The following ZNF385D variants were observed in gnomAD, a reference collection of about 807,000 sequenced individuals.
ZNF385D encodes zinc finger protein 385D.
ZNF385D carries 15 observed loss-of-function variants against 35.8 expected under a neutral mutation model. The observed-to-expected ratio is 0.42, with a 90% confidence interval of 0.28 to 0.64. ZNF385D has a LOEUF of 0.64. Ranked by LOEUF, ZNF385D falls within the 30% of genes least tolerant of loss-of-function variation. ZNF385D has a pLI of 0.23. For synonymous variants in ZNF385D, 212 were observed against 186.8 expected (o/e 1.13, Z -1.10); for missense variants, 474 against 494.6 (o/e 0.96, Z 0.39).
intron 3 of ZNF385D, among the ~76,000 whole-genome samples, chr3:22,155,735 G>A (rs954703617): frequency 6.6e-6 from 1 of 152,018 alleles, no homozygotes; most frequent in African/African-American, 2.4e-5. Context: ...TTTGGTAGAA[G>A]AATTATGTAT....
intron 5 of ZNF385D, among the ~76,000 whole-genome samples, chr3:21,432,702 G>A (rs1701351694): frequency 6.6e-6 from 1 of 151,522 alleles, no homozygotes; most frequent in African/African-American, 2.4e-5. Context: ...CTCTTTAAAA[G>A]ACTATGTCCT....
At chr3:22,095,066 C>T (rs931603738) in intron 3 of ZNF385D, among the ~76,000 whole-genome samples, 1 of 151,232 alleles carries the variant, frequency 6.6e-6, no homozygotes, top group Non-Finnish European at 1.5e-5. Flanking sequence ...CATCACCATG[C>T]CCAGTTATTT....
At chr3:21,867,406 T>C (rs948790269) in intron 3 of ZNF385D, among the ~76,000 whole-genome samples, 37 of 152,130 alleles carry the variant, frequency 2.4e-4, no homozygotes, top group Admixed American at 6.6e-5. Flanking sequence ...GGTGATTCCA[T>C]TGTGCAGCCA....
intron 2 of ZNF385D, among the ~76,000 whole-genome samples, chr3:22,276,602 G>C (rs1418967016): frequency 1.3e-5 from 2 of 152,120 alleles, no homozygotes; most frequent in African/African-American, 4.8e-5. Flanking sequence ...GATTAAATGG[G>C]AAATGCATTT....
At chr3:22,212,592 G>A (rs910208294) in intron 2 of ZNF385D, among the ~76,000 whole-genome samples, 1 of 151,772 alleles carries the variant, frequency 6.6e-6, no homozygotes, top group Non-Finnish European at 1.5e-5. Context: ...AGCTTAATGT[G>A]TTTCTCCTTT....
chr3:22,133,659 G>A (rs907381322), intron 3 of ZNF385D: 1 of 151,860 alleles, frequency 6.6e-6, no homozygotes, highest in Non-Finnish European at 1.5e-5. Context: ...ACATAGAACT[G>A]AAAACCATAG....
chr3:22,135,161 A>C (rs139081387), intron 3 of ZNF385D, among the ~76,000 whole-genome samples: 32 of 152,216 alleles, frequency 2.1e-4, no homozygotes, highest in African/African-American at 5.8e-4. Context: ...CAAGAAAAGA[A>C]AAGACTTACA....
At chr3:22,029,549 A>C (rs1461081543) in intron 3 of ZNF385D, among the ~76,000 whole-genome samples, 1 of 152,248 alleles carries the variant, frequency 6.6e-6, no homozygotes, top group Admixed American at 6.5e-5. Context: ...ATGACCAGCT[A>C]TGGAAACGAG....
chr3:21,885,284 T>C (rs978220526), intron 3 of ZNF385D, among the ~76,000 whole-genome samples: 3 of 152,078 alleles, frequency 2.0e-5, no homozygotes, highest in Non-Finnish European at 2.9e-5. Flanking sequence ...CTTCCTTTAC[T>C]TGCTAACATA....
At chr3:21,889,616 TC>T in intron 3 of ZNF385D, among the ~76,000 whole-genome samples, 1 of 152,044 alleles carries the variant, frequency 6.6e-6, no homozygotes, top group East Asian at 1.9e-4. Flanking sequence ...GGAGAGAAAT[TC>T]CTCAGGGAGA....
chr3:21,849,174 G>A (rs1333992168), intron 3 of ZNF385D, among the ~76,000 whole-genome samples: 2 of 151,866 alleles, frequency 1.3e-5, no homozygotes, highest in Non-Finnish European at 2.9e-5. Context: ...TTTTACTATT[G>A]CTACATATTA....
At chr3:21,715,292 T>C (rs1248792068) in intron 1 of ZNF385D, among the ~76,000 whole-genome samples, 2 of 152,112 alleles carry the variant, frequency 1.3e-5, no homozygotes, top group Non-Finnish European at 2.9e-5. Context: ...CCACTCTCTA[T>C]ACCAATGGTG....
intron 3 of ZNF385D, among the ~76,000 whole-genome samples, chr3:21,838,155 C>T (rs140463312): frequency 7.4e-4 from 113 of 152,090 alleles, no homozygotes; most frequent in African/African-American, 2.4e-3. Flanking sequence ...TTTGGAAGAA[C>T]AGGTATTGTT....
chr3:21,953,002 C>T (rs1283489655), intron 3 of ZNF385D, among the ~76,000 whole-genome samples: 1 of 151,976 alleles, frequency 6.6e-6, no homozygotes, highest in Non-Finnish European at 1.5e-5. Context: ...ACACATTCAG[C>T]AATCACAAAA....
At chr3:21,686,838 C>T (rs1486570045) in intron 1 of ZNF385D, among the ~76,000 whole-genome samples, 1 of 152,210 alleles carries the variant, frequency 6.6e-6, no homozygotes, top group East Asian at 1.9e-4. Context: ...CACATTTTAT[C>T]CACAACTGTG....
chr3:22,360,381 T>C (rs954928625), intron 2 of ZNF385D, among the ~76,000 whole-genome samples: 5 of 151,872 alleles, frequency 3.3e-5, no homozygotes, highest in African/African-American at 1.2e-4. Flanking sequence ...CTCCCATCCA[T>C]ACACAGACGC....
intron 3 of ZNF385D, among the ~76,000 whole-genome samples, chr3:21,817,224 A>G (rs1043393330): frequency 1.5e-4 from 23 of 152,370 alleles, no homozygotes; most frequent in African/African-American, 5.3e-4. Flanking sequence ...GTAAAACCAT[A>G]AAAACTCTAG....
At chr3:22,138,877 G>A (rs936996215) in intron 3 of ZNF385D, among the ~76,000 whole-genome samples, 1 of 151,986 alleles carries the variant, frequency 6.6e-6, no homozygotes, top group Non-Finnish European at 1.5e-5. Context: ...AGAGTGAACA[G>A]GCAACCTACA....
chr3:22,126,649 T>C (rs1488582044), intron 3 of ZNF385D, among the ~76,000 whole-genome samples: 1 of 152,170 alleles, frequency 6.6e-6, no homozygotes, highest in African/African-American at 2.4e-5. Flanking sequence ...AAAAAATGTG[T>C]ATTCTGCAGC....
Sources: allele counts gnomAD v4.1 joint callset (sites outside exome capture counted in the v4.1 genomes callset), GRCh38; gene constraint gnomAD v4.1.1; transcripts MANE v1.5; gene names NCBI Gene and HGNC (gene_info 2026-07-23, HGNC 2026-07-21).